LRRC3B: variants seen among roughly 807,000 people sequenced by gnomAD.
LRRC3B encodes leucine rich repeat containing 3B, also known as leucine-rich repeat-containing protein 3B.
LRRC3B carries 2 observed loss-of-function variants against 12.8 expected under a neutral mutation model. The ratio of observed to expected loss-of-function variants is 0.16; its 90% CI spans 0.06 to 0.49. LRRC3B has a LOEUF of 0.49. Among genes scored for constraint, LRRC3B ranks in the 20% least tolerant of loss-of-function variants. The pLI, the probability that LRRC3B is intolerant of heterozygous loss-of-function variation, is 0.96. For missense variants in LRRC3B, 189 were observed against 319.4 expected (o/e 0.59, Z 3.11); for synonymous variants, 132 against 122.0 (o/e 1.08, Z -0.54).
intron 1 of LRRC3B, among the ~76,000 whole-genome samples, chr3:26,647,403 C>G (rs191509908): frequency 7.2e-5 from 11 of 152,308 alleles, no homozygotes; most frequent in Non-Finnish European, 1.2e-4. Context: ...CTGGCACATA[C>G]TAGTTGCTCA....
chr3:26,646,135 G>A (rs773124608), intron 1 of LRRC3B, among the ~76,000 whole-genome samples: 5 of 152,164 alleles, frequency 3.3e-5, no homozygotes, highest in Non-Finnish European at 5.9e-5. Context: ...TTTCAAAGAA[G>A]CTTAATCCAA....
chr3:26,670,671 A>AATC (rs1347561076), intron 1 of LRRC3B, among the ~76,000 whole-genome samples: 5 of 152,180 alleles, frequency 3.3e-5, no homozygotes, highest in Non-Finnish European at 7.3e-5. Context: ...TCCACATATG[A>AATC]ATCTCATTTT....
chr3:26,673,044 T>G (rs1464872549), intron 1 of LRRC3B, among the ~76,000 whole-genome samples: 1 of 152,212 alleles, frequency 6.6e-6, no homozygotes, highest in Non-Finnish European at 1.5e-5. Flanking sequence ...AGAATCAAAT[T>G]TCTAGCCTCT....
At chr3:26,633,678 G>A (rs1698807369) in intron 1 of LRRC3B, among the ~76,000 whole-genome samples, 1 of 152,134 alleles carries the variant, frequency 6.6e-6, no homozygotes. Context: ...AAGACAGATA[G>A]GAATATCCCA....
intron 1 of LRRC3B, among the ~76,000 whole-genome samples, chr3:26,666,894 A>G (rs1403097644): frequency 1.3e-5 from 2 of 152,142 alleles, no homozygotes; most frequent in Non-Finnish European, 2.9e-5. Context: ...TGTAGAATAG[A>G]AATTGTTGGT....
At chr3:26,658,356 C>A (rs755024689) in intron 1 of LRRC3B, among the ~76,000 whole-genome samples, 1 of 152,242 alleles carries the variant, frequency 6.6e-6, no homozygotes, top group African/African-American at 2.4e-5. Context: ...CCACGCCCGG[C>A]CAAGTCAGCT....
At chr3:26,632,853 C>T (rs1698787252) in intron 1 of LRRC3B, among the ~76,000 whole-genome samples, 1 of 152,184 alleles carries the variant, frequency 6.6e-6, no homozygotes, top group Non-Finnish European at 1.5e-5. Flanking sequence ...CCTTGGCATA[C>T]CCTGTGCTCT....
At chr3:26,656,262 A>G (rs1490544665) in intron 1 of LRRC3B, among the ~76,000 whole-genome samples, 9 of 152,180 alleles carry the variant, frequency 5.9e-5, no homozygotes, top group Admixed American at 4.6e-4. Flanking sequence ...TCTAATCACT[A>G]TAACAAACTG....
intron 1 of LRRC3B, among the ~76,000 whole-genome samples, chr3:26,682,777 A>G (rs1337334895): frequency 6.6e-6 from 1 of 152,224 alleles, no homozygotes; most frequent in African/African-American, 2.4e-5. Flanking sequence ...TTCCCATTGC[A>G]TACTGCATGT....
At chr3:26,639,908 A>G (rs1232592335) in intron 1 of LRRC3B, among the ~76,000 whole-genome samples, 3 of 152,142 alleles carry the variant, frequency 2.0e-5, no homozygotes, top group African/African-American at 7.2e-5. Context: ...CAGAGACACC[A>G]CATGGTCTCT....
chr3:26,673,450 T>TGTTAA (rs1272113347), intron 1 of LRRC3B, among the ~76,000 whole-genome samples: 29 of 152,228 alleles, frequency 1.9e-4, no homozygotes, highest in African/African-American at 6.5e-4. Context: ...ATTCATTTCA[T>TGTTAA]GTTAAGTTTT....
chr3:26,670,850 A>C (rs1320788756), intron 1 of LRRC3B, among the ~76,000 whole-genome samples: 1 of 152,174 alleles, frequency 6.6e-6, no homozygotes, highest in Non-Finnish European at 1.5e-5. Flanking sequence ...ATAAAAGCTC[A>C]ATAACTATTA....
chr3:26,684,139 GT>G (rs990281982), intron 1 of LRRC3B, among the ~76,000 whole-genome samples: 1 of 152,144 alleles, frequency 6.6e-6, no homozygotes, highest in Non-Finnish European at 1.5e-5. Context: ...TATTCTCCAC[GT>G]TTTTTAAAAA....
intron 1 of LRRC3B, among the ~76,000 whole-genome samples, chr3:26,670,755 GATA>G: frequency 6.6e-6 from 1 of 152,232 alleles, no homozygotes; most frequent in South Asian, 2.1e-4. Context: ...ATAATATAGA[GATA>G]ATTATAGCTA....
At chr3:26,680,541 G>A (rs990116276) in intron 1 of LRRC3B, among the ~76,000 whole-genome samples, 1 of 152,212 alleles carries the variant, frequency 6.6e-6, no homozygotes, top group Admixed American at 6.5e-5. Flanking sequence ...GCCCAGAAGT[G>A]TCACACGTAT....
intron 1 of LRRC3B, among the ~76,000 whole-genome samples, chr3:26,703,537 T>C (rs577133303): frequency 6.6e-6 from 1 of 152,150 alleles, no homozygotes; most frequent in East Asian, 1.9e-4. Context: ...GTGGGCTAAC[T>C]ACAAGAAGGG....
intron 1 of LRRC3B, among the ~76,000 whole-genome samples, chr3:26,653,629 T>C (rs1699310393): frequency 6.6e-6 from 1 of 152,142 alleles, no homozygotes; most frequent in African/African-American, 2.4e-5. Context: ...TAAGATAACC[T>C]GAAGTCTAGC....
intron 1 of LRRC3B, among the ~76,000 whole-genome samples, chr3:26,647,460 A>G (rs1559354182): frequency 6.6e-6 from 1 of 152,204 alleles, no homozygotes; most frequent in Non-Finnish European, 1.5e-5. Flanking sequence ...AAAGAAGCAG[A>G]ACAGCCTTGA....
At chr3:26,695,240 T>TA (rs1339046237) in intron 1 of LRRC3B, among the ~76,000 whole-genome samples, 7 of 152,156 alleles carry the variant, frequency 4.6e-5, no homozygotes, top group Admixed American at 4.6e-4. Flanking sequence ...TTTTAAAAAA[T>TA]ACTTCAGCTG....
Sources: allele counts gnomAD v4.1 joint callset (sites outside exome capture counted in the v4.1 genomes callset), GRCh38; gene constraint gnomAD v4.1.1; transcripts MANE v1.5; gene names NCBI Gene and HGNC (gene_info 2026-07-23, HGNC 2026-07-21).